The following LPL variants were observed in gnomAD, a reference collection of about 807,000 sequenced individuals.
The protein encoded by LPL is lipoprotein lipase.
Under a neutral mutation model 52.2 loss-of-function variants are expected in LPL, and 43 were observed. The ratio of observed to expected loss-of-function variants is 0.82; its 90% confidence interval spans 0.64 to 1.06. The LOEUF (loss-of-function observed/expected upper bound fraction) is 1.06, where lower values mean the gene tolerates loss of function less well. Among genes scored for constraint, LPL ranks in the 50% least tolerant of loss-of-function variants. The pLI, the probability that LPL is intolerant of heterozygous loss-of-function variation, is 0.00. For missense variants in LPL, 639 were observed against 585.3 expected, an observed-to-expected ratio of 1.09 and a Z score of -0.95; for synonymous variants, 244 against 215.6, an observed-to-expected ratio of 1.13 and a Z score of -1.15.
At chr8:19,953,456 G>A in intron 4 of LPL, 35 bp downstream of exon 4, 3 of 1,463,096 alleles carry the variant, frequency 2.1e-6, no homozygotes, top group East Asian at 2.3e-5. Flanking sequence ...TATCATAAGA[G>A]GTGAAAAGAC....
intron 1 of LPL, among the ~76,000 whole-genome samples, chr8:19,946,325 C>T (rs531585245): frequency 5.3e-5 from 8 of 152,100 alleles, no homozygotes; most frequent in East Asian, 1.9e-4. Flanking sequence ...TTTTAGATGA[C>T]GGAGGTGTGT....
intron 1 of LPL, among the ~76,000 whole-genome samples, chr8:19,946,136 G>C (rs990327853): frequency 1.3e-5 from 2 of 152,128 alleles, no homozygotes; most frequent in Non-Finnish European, 2.9e-5. Flanking sequence ...ATGAGAAGTA[G>C]AGCATATTCT....
At chr8:19,951,298 T>A (rs941938540) in intron 2 of LPL, among the ~76,000 whole-genome samples, 1 of 152,118 alleles carries the variant, frequency 6.6e-6, no homozygotes, top group African/African-American at 2.4e-5. Flanking sequence ...AGAAATGACA[T>A]CAACCTCTCC....
intron 9 of LPL, among the ~76,000 whole-genome samples, chr8:19,964,415 T>C (rs577254028): frequency 6.6e-6 from 1 of 152,362 alleles, no homozygotes; most frequent in South Asian, 2.1e-4. Flanking sequence ...GTATTTTTTA[T>C]ATGTTACAAG....
At chr8:19,959,059 G>A (rs1255776841) in intron 6 of LPL, among the ~76,000 whole-genome samples, 1 of 152,154 alleles carries the variant, frequency 6.6e-6, no homozygotes, top group Non-Finnish European at 1.5e-5. Flanking sequence ...CTGAAAGGGA[G>A]TAGAATTCAA....
chr8:19,951,477 T>C (rs1236803692), intron 2 of LPL, among the ~76,000 whole-genome samples: 1 of 152,170 alleles, frequency 6.6e-6, no homozygotes, highest in Non-Finnish European at 1.5e-5. Flanking sequence ...TTTAATAGTA[T>C]AAATGATCAA....
At chr8:19,958,710 C>A (rs943203609) in intron 6 of LPL, among the ~76,000 whole-genome samples, 2 of 152,144 alleles carry the variant, frequency 1.3e-5, no homozygotes, top group East Asian at 3.9e-4. Context: ...TTCTATGATG[C>A]ACCTACTAGA....
At chr8:19,947,749 A>G (rs1189042805) in intron 1 of LPL, among the ~76,000 whole-genome samples, 1 of 150,860 alleles carries the variant, frequency 6.6e-6, no homozygotes, top group Non-Finnish European at 1.5e-5. Context: ...CAAGCTTCAA[A>G]GTGGAACTGA....
intron 9 of LPL, 122 bp from the exon 10 acceptor site, chr8:19,965,188 C>A (rs2070074837): frequency 2.4e-5 from 17 of 721,118 alleles, no homozygotes; most frequent in Admixed American, 3.8e-5. Flanking sequence ...TTTATTCTCA[C>A]AACCTTTGTT....
In LPL at chr8:19,939,586, C is replaced by A. The variant is rs1472421667; in HGVS notation, c.88+58C>A. On this transcript the variant is annotated intron_variant, in intron 1 of 9. Coordinates refer to ENST00000650287, the MANE Select transcript of LPL (RefSeq NM_000237.3). The surrounding 1 kb of genome is among the most constrained non-coding windows in gnomAD (Gnocchi z 4.0). ...CAGACCCGGCGGGTGGCCACTGCCA[C>A]CCGAACTGAGGATGAGAAGAAGGAA... 1.3e-6 allele frequency: 2 copies of A among 1,521,218 alleles called. No homozygotes were observed. The highest frequency in any genetic ancestry group is 2.4e-5 in the East Asian group (1 of 42,494). 94.2% of individuals were successfully genotyped at this position (1,521,218 alleles called of 1,614,324 possible).
At position 19,962,101 on chromosome 8, in the gene LPL, A is replaced by G. The variant is rs1182128183; in HGVS notation, c.1323-14A>G. 6.3e-7 allele frequency: 1 copy of G among 1,578,894 alleles called. No individual in the cohort carries two copies. Among genetic ancestry groups the G allele is most frequent in the Admixed American group, 1.7e-5 (1 of 59,966 alleles). On this transcript the variant is annotated splice_polypyrimidine_tract_variant and intron_variant, in intron 8 of 9. Transcript: ENST00000650287. ...TGTTCTACATGGCATATTCACATCCATTTTCTTCCACAGGGTGATCTTCTG... is the reference window on the plus strand; with the variant it reads ...TGTTCTACATGGCATATTCACATCCGTTTTCTTCCACAGGGTGATCTTCTG...
In LPL at chr8:19,944,614, G is replaced by C. The variant is rs960030781; in HGVS notation, c.89-3566G>C. On this transcript the variant is annotated intron_variant, in intron 1 of 9. Coordinates refer to ENST00000650287, the MANE Select transcript of LPL (RefSeq NM_000237.3). The surrounding 1 kb of genome is among the most constrained non-coding windows in gnomAD (Gnocchi z 4.2). ...AAAGCACCATCTGCTGCTTTCCTGG[G>C]ATGCTCAACACTTCCCTCTTTCTAG... is the stretch of plus-strand genomic sequence containing the variant. Among the ~76,000 whole-genome samples, 5 of 152,024 alleles carry C rather than the reference G, an allele frequency of 3.3e-5. No individual in the cohort carries two copies. The highest frequency in any genetic ancestry group is 5.9e-5 in the Non-Finnish European group (4 of 67,996).
At chr8:19,942,038 A>G (rs547194887) in intron 1 of LPL, among the ~76,000 whole-genome samples, 10 of 152,324 alleles carry the variant, frequency 6.6e-5, no homozygotes, top group African/African-American at 2.4e-4. Context: ...AAAGGAGAGC[A>G]AAATAGCAGA....
intron 2 of LPL, among the ~76,000 whole-genome samples, chr8:19,951,464 C>G (rs1185207822): frequency 6.6e-6 from 1 of 152,120 alleles, no homozygotes; most frequent in Non-Finnish European, 1.5e-5. Context: ...ACCAATCTTT[C>G]CTTTTAATAG....
At chr8:19,948,551 C>G (rs767813313) in intron 2 of LPL, 42 of 580,980 alleles carry the variant, frequency 7.2e-5, no homozygotes, top group Middle Eastern at 9.2e-4. Flanking sequence ...CATTTTAACA[C>G]TGTACCTGGT....
intron 1 of LPL, among the ~76,000 whole-genome samples, chr8:19,946,287 T>G (rs1451353995): frequency 3.3e-5 from 5 of 152,192 alleles, no homozygotes; most frequent in African/African-American, 1.2e-4. Flanking sequence ...TTTCTCATAA[T>G]TAGAATCATT....
intron 1 of LPL, among the ~76,000 whole-genome samples, chr8:19,941,906 G>A (rs2069843694): frequency 6.6e-6 from 1 of 152,182 alleles, no homozygotes; most frequent in South Asian, 2.1e-4. Context: ...TCTCTGCATG[G>A]CCCCAATTAG....
intron 9 of LPL, among the ~76,000 whole-genome samples, chr8:19,963,295 GT>G (rs1249677703): frequency 6.6e-6 from 1 of 152,124 alleles, no homozygotes; most frequent in African/African-American, 2.4e-5. Flanking sequence ...AATTAGCTGG[GT>G]GTGGCGGCAC....
chr8:19,953,776 G>A (rs979550754), intron 4 of LPL, among the ~76,000 whole-genome samples: 3 of 152,130 alleles, frequency 2.0e-5, no homozygotes, highest in African/African-American at 7.2e-5. Context: ...AGGCCACTTC[G>A]AAAGAAGACC....
Sources: allele counts gnomAD v4.1 joint callset (sites outside exome capture counted in the v4.1 genomes callset), GRCh38; gene constraint gnomAD v4.1.1; non-coding constraint Gnocchi (gnomAD v3.1); transcripts MANE v1.5; gene names NCBI Gene and HGNC (gene_info 2026-07-23, HGNC 2026-07-21).